The following COPS4 variants were observed in gnomAD, a reference collection of about 807,000 sequenced individuals.
COPS4 encodes the protein COP9 signalosome complex subunit 4.
A neutral mutation model predicts 55.1 loss-of-function variants in COPS4; 8 were observed. The ratio of observed to expected loss-of-function variants is 0.15; its 90% CI spans 0.09 to 0.26. COPS4 has a LOEUF of 0.26. COPS4 is among the 10% of genes least tolerant of loss of function. The probability of loss-of-function intolerance (pLI) is 1.00; values close to 1 mark genes in which losing one functional copy is unlikely to be tolerated. For missense variants in COPS4, 248 were observed against 484.0 expected (o/e 0.51, Z 4.58); for synonymous variants, 185 against 165.7 (o/e 1.12, Z -0.90).
intron 1 of COPS4, among the ~76,000 whole-genome samples, chr4:83,036,602 T>C (rs1172940038): frequency 6.6e-6 from 1 of 152,254 alleles, no homozygotes; most frequent in Non-Finnish European, 1.5e-5. Flanking sequence ...TGTGTGTGCA[T>C]ATATACTTAC....
At chr4:83,073,976 A>G (rs577988522) in intron 9 of COPS4, among the ~76,000 whole-genome samples, 80 of 151,076 alleles carry the variant, frequency 5.3e-4, no homozygotes, top group African/African-American at 1.9e-3. Flanking sequence ...AAAAGATTTT[A>G]TAGGTTGCTT....
intron 4 of COPS4, 110 bp from the exon 5 acceptor site, chr4:83,056,816 C>T: frequency 2.2e-6 from 2 of 917,724 alleles, no homozygotes; most frequent in Non-Finnish European, 3.3e-6. Context: ...AAGTTTGATT[C>T]CCTTACGGTA....
At chr4:83,060,492 G>A (rs1333578632) in intron 6 of COPS4, among the ~76,000 whole-genome samples, 1 of 151,430 alleles carries the variant, frequency 6.6e-6, no homozygotes, top group Non-Finnish European at 1.5e-5. Context: ...TTTTTTAGTA[G>A]AGACGGGGTT....
At chr4:83,054,176 A>C (rs531012624) in intron 4 of COPS4, among the ~76,000 whole-genome samples, 185 of 152,138 alleles carry the variant, frequency 1.2e-3, no homozygotes, top group Non-Finnish European at 1.9e-3. Flanking sequence ...CCACGTCTCT[A>C]CTAAAAATAT....
chr4:83,056,658 G>C (rs1308201701), intron 4 of COPS4, among the ~76,000 whole-genome samples: 1 of 152,090 alleles, frequency 6.6e-6, no homozygotes, highest in Non-Finnish European at 1.5e-5. Context: ...AATTAGCTGG[G>C]CGTGGTGGCT....
intron 9 of COPS4, among the ~76,000 whole-genome samples, chr4:83,071,749 G>A (rs1039026049): frequency 6.6e-6 from 1 of 150,908 alleles, no homozygotes; most frequent in Non-Finnish European, 1.5e-5. Flanking sequence ...GTCTTGCTCT[G>A]TTGCCAGACT....
intron 2 of COPS4, among the ~76,000 whole-genome samples, chr4:83,048,072 A>T (rs940898243): frequency 1.1e-4 from 17 of 152,336 alleles, no homozygotes; most frequent in African/African-American, 3.4e-4. Flanking sequence ...AGAATGATGC[A>T]TTTAAAATGA....
intron 1 of COPS4, among the ~76,000 whole-genome samples, chr4:83,044,492 T>A (rs1730652670): frequency 7.6e-6 from 1 of 130,812 alleles, no homozygotes; most frequent in South Asian, 2.5e-4. Context: ...TAAAGATTAG[T>A]ATAGGCCGGG....
intron 6 of COPS4, among the ~76,000 whole-genome samples, chr4:83,059,381 G>C (rs1425506175): frequency 1.3e-5 from 2 of 151,482 alleles, no homozygotes; most frequent in Non-Finnish European, 2.9e-5. Context: ...CAGTACTTTA[G>C]GTTCTCAAAT....
At chr4:83,074,653 T>C (rs1001710558) in intron 9 of COPS4, among the ~76,000 whole-genome samples, 3 of 151,084 alleles carry the variant, frequency 2.0e-5, no homozygotes, top group Admixed American at 2.0e-4. Flanking sequence ...ACTTTTCTTT[T>C]TTTTTTTTTA....
At chr4:83,074,051 A>G (rs907799742) in intron 9 of COPS4, among the ~76,000 whole-genome samples, 33 of 152,088 alleles carry the variant, frequency 2.2e-4, no homozygotes, top group African/African-American at 7.0e-4. Context: ...ATTCCTCTCA[A>G]TTTTTTATTT....
At chr4:83,059,410 C>G (rs1962413) in intron 6 of COPS4, among the ~76,000 whole-genome samples, 67,336 of 151,796 alleles carry the variant, frequency 0.44, 17,289 homozygotes, top group Admixed American at 0.59. Context: ...GTCAGGACCC[C>G]TTTACACTCT....
chr4:83,056,851 A>C, intron 4 of COPS4, 75 bp from the exon 5 acceptor site: 1 of 1,246,212 alleles, frequency 8.0e-7, no homozygotes, highest in Non-Finnish European at 1.1e-6. Context: ...AGGAAAAAAC[A>C]ACATATCTTC....
rs965994723 is a variant in COPS4, at chr4:83,073,199, C to T, written c.1088-2098C>T. 4 of 662,464 alleles carry T rather than the reference C, an allele frequency of 6.0e-6. No individual in the cohort carries two copies. The African/African-American group carries it at 7.1e-5, about 12-fold the overall frequency. The allele number at this position is 662,464 out of a possible 1,614,324, so 41.0% of individuals were successfully genotyped here. A position where few individuals can be genotyped will look rare whatever the true frequency, so the allele number is the denominator to read the frequency against. On this transcript the variant is annotated intron_variant, in intron 9 of 9. Coordinates refer to ENST00000264389, the MANE Select transcript of COPS4 (RefSeq NM_016129.3). ...AGCAGTTACTCTCCATTCCTTCCTTCCCCCAGCTTCTGGCAACCACCAATC... is the reference window on the plus strand; with the variant it reads ...AGCAGTTACTCTCCATTCCTTCCTTTCCCCAGCTTCTGGCAACCACCAATC...
chr4:83,041,134 C>CT (rs1730558282), intron 1 of COPS4, among the ~76,000 whole-genome samples: 1 of 149,002 alleles, frequency 6.7e-6, no homozygotes, highest in South Asian at 2.1e-4. Context: ...ATGATCTTGG[C>CT]TTACTGCAAT....
intron 9 of COPS4, chr4:83,073,415 A>G (rs1035272116): frequency 4.7e-6 from 2 of 421,750 alleles, no homozygotes; most frequent in Non-Finnish European, 8.5e-6. Context: ...ATATACCTCA[A>G]TTCCACCACT....
At chr4:83,066,294 A>G (rs1348129160) in intron 7 of COPS4, 144 bp from the exon 8 acceptor site, 1 of 466,542 alleles carries the variant, frequency 2.1e-6, no homozygotes, top group Non-Finnish European at 3.9e-6. Flanking sequence ...AAACTACATC[A>G]TATATTGGCT....
chr4:83,058,420 T>C (rs987049021), intron 6 of COPS4, among the ~76,000 whole-genome samples: 1 of 152,032 alleles, frequency 6.6e-6, no homozygotes, highest in Admixed American at 6.6e-5. Context: ...GGTTTCTCCA[T>C]ATTGCCCAGT....
At chr4:83,056,852 A>G in intron 4 of COPS4, 74 bp from the exon 5 acceptor site, 1 of 1,253,796 alleles carries the variant, frequency 8.0e-7, no homozygotes, top group Non-Finnish European at 1.1e-6. Context: ...GGAAAAAACA[A>G]CATATCTTCT....
Sources: allele counts gnomAD v4.1 joint callset (sites outside exome capture counted in the v4.1 genomes callset), GRCh38; gene constraint gnomAD v4.1.1; transcripts MANE v1.5; gene names NCBI Gene and HGNC (gene_info 2026-07-23, HGNC 2026-07-21).